Variants in B4GALNT3 observed in about 807,000 individuals in gnomAD.
B4GALNT3 encodes beta-1,4-N-acetyl-galactosaminyltransferase 3.
In B4GALNT3, 86 loss-of-function variants were observed where a neutral mutation model predicts 120.2. That is an observed-to-expected ratio of 0.72 (90% confidence interval 0.60 to 0.86). The LOEUF (loss-of-function observed/expected upper bound fraction) is 0.86, where lower values mean the gene tolerates loss of function less well. B4GALNT3 is among the 40% of genes least tolerant of loss of function. B4GALNT3 has a pLI of 0.00. For missense variants in B4GALNT3, 1,167 were observed against 1,298.9 expected, an observed-to-expected ratio of 0.90 and a Z score of 1.56; for synonymous variants, 518 against 510.4, an observed-to-expected ratio of 1.01 and a Z score of -0.20.
At chr12:483,623 G>A (rs146300542) in intron 1 of B4GALNT3, among the ~76,000 whole-genome samples, 216 of 152,274 alleles carry the variant, frequency 1.4e-3, no homozygotes, top group African/African-American at 4.8e-3. Flanking sequence ...GTTTGAGCCC[G>A]GGAGGCAGAG....
intron 1 of B4GALNT3, among the ~76,000 whole-genome samples, chr12:512,158 GCCTTCCA>G (rs1565598484): frequency 3.5e-4 from 8 of 23,182 alleles, no homozygotes; most frequent in African/African-American, 1.7e-3. Flanking sequence ...TCCGCCTTCC[GCCTTCCA>G]CCTTCCGCCT....
At chr12:512,417 G>T (rs111211619) in intron 1 of B4GALNT3, among the ~76,000 whole-genome samples, 491 of 32,590 alleles carry the variant, frequency 0.015, 9 homozygotes, top group Middle Eastern at 0.031. Context: ...TCCACCTTCC[G>T]CCTTCCGCCT....
chr12:541,840 CA>C (rs1266385456), intron 3 of B4GALNT3, among the ~76,000 whole-genome samples: 460 of 33,574 alleles, frequency 0.014, 1 homozygote, highest in Middle Eastern at 0.034. Context: ...TCCCCCCCCT[CA>C]CCCCCCCCCA....
chr12:512,144 A>ACCTTCCG (rs1207861599), intron 1 of B4GALNT3, among the ~76,000 whole-genome samples: 1 of 41,378 alleles, frequency 2.4e-5, no homozygotes, highest in African/African-American at 1.4e-4. Flanking sequence ...TCCACCTTCC[A>ACCTTCCG]CCTTCCGCCT....
chr12:466,972 A>G (rs1303981840), intron 1 of B4GALNT3, among the ~76,000 whole-genome samples: 1 of 152,140 alleles, frequency 6.6e-6, no homozygotes, highest in East Asian at 1.9e-4. Context: ...TATTACCAGT[A>G]CCCCAGTACC....
chr12:550,215 C>T lies in B4GALNT3; in HGVS notation c.997+303C>T, dbSNP rs563279996. Among the ~76,000 whole-genome samples the T allele has an allele frequency of 2.0e-5, 3 of 152,348 alleles. No homozygotes were observed. Among genetic ancestry groups the T allele is most frequent in the East Asian group, 3.9e-4 (2 of 5,190 alleles). ...CCACACATCCCTTCCCAATCTCACA[C>T]GTCCCCGCCTCTTACTGCATTCCAA... On this transcript the variant is annotated intron_variant, in intron 10 of 19. Coordinates refer to ENST00000266383, the MANE Select transcript of B4GALNT3 (RefSeq NM_173593.4). This position sits in a 1 kb window ranked among gnomAD's most constrained non-coding sequence, Gnocchi z 4.1.
chr12:470,771 C>T (rs960698755), intron 1 of B4GALNT3, among the ~76,000 whole-genome samples: 3 of 152,124 alleles, frequency 2.0e-5, no homozygotes, highest in Non-Finnish European at 4.4e-5. Context: ...TGGAGTCTCG[C>T]TCTGTCACCC....
At chr12:549,154 C>T (rs978564275) in intron 9 of B4GALNT3, among the ~76,000 whole-genome samples, 2 of 152,252 alleles carry the variant, frequency 1.3e-5, no homozygotes, top group East Asian at 3.9e-4. Flanking sequence ...CAGGTGTAGA[C>T]AGATGCATGA....
intron 6 of B4GALNT3, among the ~76,000 whole-genome samples, chr12:546,399 T>C (rs1444188007): frequency 3.3e-5 from 5 of 151,906 alleles, no homozygotes; most frequent in Non-Finnish European, 7.4e-5. Flanking sequence ...CTTGGCCGGG[T>C]GCTGACTCGC....
intron 1 of B4GALNT3, among the ~76,000 whole-genome samples, chr12:534,433 CT>C (rs1476628705): frequency 6.6e-6 from 1 of 152,188 alleles, no homozygotes; most frequent in Non-Finnish European, 1.5e-5. Context: ...AGCCCCTTGC[CT>C]CCTGACTTGT....
intron 1 of B4GALNT3, among the ~76,000 whole-genome samples, chr12:511,503 CCTTCCACCTT>C (rs1946559815): frequency 1.1e-4 from 12 of 110,452 alleles, no homozygotes; most frequent in Non-Finnish European, 1.6e-4. Context: ...CCACCTTCCA[CCTTCCACCTT>C]CTTCCACCTT....
At chr12:535,357 G>A (rs748287045) in intron 2 of B4GALNT3, 88 bp downstream of exon 2, 1 of 1,099,058 alleles carries the variant, frequency 9.1e-7, no homozygotes, top group Non-Finnish European at 1.3e-6. Flanking sequence ...GGTAACCTCT[G>A]CTACTCTGGG....
intron 1 of B4GALNT3, among the ~76,000 whole-genome samples, chr12:467,412 A>G (rs1366860913): frequency 6.6e-6 from 1 of 152,164 alleles, no homozygotes; most frequent in Non-Finnish European, 1.5e-5. Flanking sequence ...TACAAAAAGT[A>G]GCTGGGTGTG....
chr12:556,911 C>T, intron 15 of B4GALNT3, 45 bp downstream of exon 15: 1 of 1,559,324 alleles, frequency 6.4e-7, no homozygotes, highest in Non-Finnish European at 8.7e-7. Flanking sequence ...GCGGGGTCCT[C>T]ACACTGTCAG....
chr12:512,142 C>A (rs1946581388), intron 1 of B4GALNT3, among the ~76,000 whole-genome samples: 1 of 94,266 alleles, frequency 1.1e-5, no homozygotes, highest in Non-Finnish European at 2.1e-5. Context: ...CTTCCACCTT[C>A]CACCTTCCGC....
intron 1 of B4GALNT3, among the ~76,000 whole-genome samples, chr12:471,536 G>A (rs982513424): frequency 1.7e-4 from 26 of 151,320 alleles, no homozygotes; most frequent in Non-Finnish European, 3.1e-4. Flanking sequence ...GTGAAACCCC[G>A]TCTCTACTAA....
chr12:544,773 G>C, intron 4 of B4GALNT3, 109 bp from the exon 5 acceptor site: 1 of 1,097,728 alleles, frequency 9.1e-7, no homozygotes, highest in South Asian at 1.4e-5. Flanking sequence ...CAAAGCCACA[G>C]CCCTGGTCCC....
intron 1 of B4GALNT3, among the ~76,000 whole-genome samples, chr12:514,057 G>T (rs59087890): frequency 0.16 from 23,988 of 152,154 alleles, 2,162 homozygotes; most frequent in South Asian, 0.23. Context: ...GAATAGAACT[G>T]CTGGGTCAAA....
At chr12:521,437 A>C (rs150142494) in intron 1 of B4GALNT3, among the ~76,000 whole-genome samples, 1,832 of 152,274 alleles carry the variant, frequency 0.012, 43 homozygotes, top group African/African-American at 0.042. Flanking sequence ...TCCGGGGCCC[A>C]GTCGTGTGGT....
Sources: allele counts gnomAD v4.1 joint callset (sites outside exome capture counted in the v4.1 genomes callset), GRCh38; gene constraint gnomAD v4.1.1; non-coding constraint Gnocchi (gnomAD v3.1); transcripts MANE v1.5; gene names NCBI Gene and HGNC (gene_info 2026-07-23, HGNC 2026-07-21).